Variants in APOLD1 observed in about 807,000 individuals in gnomAD.
The protein encoded by APOLD1 is apolipoprotein L domain-containing protein 1.
APOLD1 carries 22 observed loss-of-function variants against 15.3 expected under a neutral mutation model. The observed-to-expected ratio is 1.44, with a 90% confidence interval of 1.03 to 2.05. APOLD1 has a LOEUF of 2.05. APOLD1 is among the 30% of genes most tolerant of loss of function. APOLD1 has a pLI of 0.00. For missense variants in APOLD1, 394 were observed against 353.5 expected (o/e 1.11, Z -0.92); for synonymous variants, 190 against 167.4 (o/e 1.13, Z -1.04).
At chr12:12,768,483 C>T (rs1424421678) in intron 1 of APOLD1, among the ~76,000 whole-genome samples, 1 of 151,696 alleles carries the variant, frequency 6.6e-6, no homozygotes, top group Non-Finnish European at 1.5e-5. Context: ...AAATTAAAAA[C>T]AAAACAAAAC....
chr12:12,771,610 G>A, intron 1 of APOLD1: 1 of 501,178 alleles, frequency 2.0e-6, no homozygotes, highest in Non-Finnish European at 3.9e-6. Flanking sequence ...CCTGTGTCCT[G>A]TTCTTTGATA....
intron 1 of APOLD1, among the ~76,000 whole-genome samples, chr12:12,753,329 ATAAAT>A (rs1201990348): frequency 6.6e-6 from 1 of 152,206 alleles, no homozygotes; most frequent in Non-Finnish European, 1.5e-5. Flanking sequence ...ATGTATAAGA[ATAAAT>A]TAGATATTGT....
chr12:12,754,534 C>CT (rs1218951907), intron 1 of APOLD1, among the ~76,000 whole-genome samples: 1 of 152,044 alleles, frequency 6.6e-6, no homozygotes, highest in African/African-American at 2.4e-5. Flanking sequence ...ACTGCAACCT[C>CT]TGCCTCCTGG....
At chr12:12,725,977 AGAT>A in exon 1 of APOLD1, 2 of 1,467,084 alleles carry the variant, frequency 1.4e-6, no homozygotes, top group Non-Finnish European at 1.8e-6. Context: ...GCGGGGACAG[AGAT>A]GTAACCCAAC....
At chr12:12,729,510 T>G (rs1946620254) in intron 1 of APOLD1, among the ~76,000 whole-genome samples, 1 of 152,178 alleles carries the variant, frequency 6.6e-6, no homozygotes, top group African/African-American at 2.4e-5. Flanking sequence ...TACTCCTGCC[T>G]TGGTCTCCAA....
At chr12:12,764,678 C>G (rs775155989) in intron 1 of APOLD1, 1 of 490,006 alleles carries the variant, frequency 2.0e-6, no homozygotes, top group African/African-American at 2.0e-5. Flanking sequence ...GTGAAGGGAC[C>G]CTTCCTGTAG....
intron 1 of APOLD1, among the ~76,000 whole-genome samples, chr12:12,755,358 C>T (rs920823747): frequency 6.6e-5 from 10 of 151,844 alleles, no homozygotes; most frequent in East Asian, 3.8e-4. Context: ...TATGGTCTTG[C>T]GTAGGGCAAA....
At chr12:12,740,822 A>G (rs1287436039) in intron 1 of APOLD1, among the ~76,000 whole-genome samples, 1 of 152,144 alleles carries the variant, frequency 6.6e-6, no homozygotes, top group Non-Finnish European at 1.5e-5. Flanking sequence ...CAGACTGGAG[A>G]CAATCCATAT....
At chr12:12,727,160 G>A (rs556269465) in intron 1 of APOLD1, among the ~76,000 whole-genome samples, 3 of 152,286 alleles carry the variant, frequency 2.0e-5, no homozygotes, top group Non-Finnish European at 4.4e-5. Flanking sequence ...ATCTTGTAGA[G>A]CTGTGTGGCT....
chr12:12,754,221 A>G (rs1946838214), intron 1 of APOLD1, among the ~76,000 whole-genome samples: 1 of 150,250 alleles, frequency 6.7e-6, no homozygotes, highest in Non-Finnish European at 1.5e-5. Context: ...AAGGAAAAAG[A>G]AAAAAAGAAA....
chr12:12,770,440 T>C (rs1946978242), intron 1 of APOLD1, among the ~76,000 whole-genome samples: 1 of 151,478 alleles, frequency 6.6e-6, no homozygotes. Flanking sequence ...TAAAAAACAC[T>C]GCAATAGAAA....
chr12:12,776,010 A>G (rs1947030361), intron 1 of APOLD1, among the ~76,000 whole-genome samples: 1 of 150,042 alleles, frequency 6.7e-6, no homozygotes, highest in Non-Finnish European at 1.5e-5. Context: ...TCTCAAAAAA[A>G]AAAAAAAAAA....
intron 1 of APOLD1, among the ~76,000 whole-genome samples, chr12:12,766,581 C>T (rs1178354443): frequency 6.6e-6 from 1 of 152,178 alleles, no homozygotes; most frequent in East Asian, 1.9e-4. Flanking sequence ...GGGTGACTGA[C>T]ACCTGTAATC....
At chr12:12,747,925 A>G (rs1276815175) in intron 1 of APOLD1, among the ~76,000 whole-genome samples, 1 of 152,128 alleles carries the variant, frequency 6.6e-6, no homozygotes, top group Non-Finnish European at 1.5e-5. Context: ...ATAGGCTTAT[A>G]TTGGGCTAGG....
At chr12:12,731,737 G>A (rs1385362093) in intron 1 of APOLD1, among the ~76,000 whole-genome samples, 1 of 152,146 alleles carries the variant, frequency 6.6e-6, no homozygotes, top group Non-Finnish European at 1.5e-5. Flanking sequence ...GGAAATTGAG[G>A]CACTCAGATA....
At chr12:12,748,265 C>A (rs1024503022) in intron 1 of APOLD1, among the ~76,000 whole-genome samples, 1 of 152,156 alleles carries the variant, frequency 6.6e-6, no homozygotes, top group African/African-American at 2.4e-5. Flanking sequence ...TGTGTTAGCA[C>A]GAGGTAATGT....
intron 1 of APOLD1, among the ~76,000 whole-genome samples, chr12:12,744,778 A>G (rs1946753096): frequency 6.6e-6 from 1 of 152,100 alleles, no homozygotes; most frequent in African/African-American, 2.4e-5. Flanking sequence ...GCCTGTGCTC[A>G]GTGTCTGTCT....
At position 12,760,654 on chromosome 12, in the gene APOLD1, AAC is replaced by A. The variant is rs1183146714; in HGVS notation, c.97-26253_97-26252del. ...AACTCTGTCTCAAAAAAAAAAAAAA[AAC>A]AACCAACAACCAAACAACCAAACAA... On this transcript the variant is annotated intron_variant, in intron 1 of 1. Coordinates refer to the APOLD1 transcript ENST00000326765. 1.2e-3 allele frequency among the ~76,000 whole-genome samples: 179 copies of A among 151,528 alleles called. 1 individual carries two copies. Among genetic ancestry groups the A allele is most frequent in the African/African-American group, 4.0e-3 (165 of 41,290 alleles).
At chr12:12,730,636 A>G (rs12828438) in intron 1 of APOLD1, among the ~76,000 whole-genome samples, 87,380 of 141,656 alleles carry the variant, frequency 0.62, 27,259 homozygotes, top group African/African-American at 0.7. Flanking sequence ...AGCTGAGATC[A>G]TGCCATTGTG....
Sources: gnomAD v4.1 joint callset for allele counts (sites outside exome capture counted in the v4.1 genomes callset) on GRCh38, gnomAD v4.1.1 for gene constraint, MANE v1.5 for transcripts, NCBI Gene and HGNC (gene_info 2026-07-23, HGNC 2026-07-21) for gene names.